CNNM2: variants seen among roughly 807,000 people sequenced by gnomAD.
The protein encoded by CNNM2 is cyclin and CBS domain divalent metal cation transport mediator 2.
CNNM2 carries 12 observed loss-of-function variants against 66.9 expected under a neutral mutation model. The observed-to-expected ratio is 0.18, with a 90% CI of 0.11 to 0.29. The LOEUF (loss-of-function observed/expected upper bound fraction) is 0.29. CNNM2 is among the 10% of genes least tolerant of loss of function. The pLI is 1.00. For synonymous variants in CNNM2, 557 were observed against 501.8 expected, an observed-to-expected ratio of 1.11 and a Z score of -1.47; for missense variants, 705 against 1,167.7, an observed-to-expected ratio of 0.60 and a Z score of 5.77.
At chr10:102,960,762 G>A (rs1308263356) in intron 1 of CNNM2, among the ~76,000 whole-genome samples, 3 of 149,456 alleles carry the variant, frequency 2.0e-5, no homozygotes, top group Admixed American at 6.7e-5. Context: ...TGAGACTGTA[G>A]GTATGTGCCA....
intron 1 of CNNM2, among the ~76,000 whole-genome samples, chr10:102,961,133 C>T (rs565876377): frequency 6.6e-6 from 1 of 152,266 alleles, no homozygotes; most frequent in South Asian, 2.1e-4. Flanking sequence ...CCGCCTCAGC[C>T]TCCCAAAGTG....
chr10:102,993,712 G>A (rs1230470917), intron 1 of CNNM2, among the ~76,000 whole-genome samples: 1 of 152,098 alleles, frequency 6.6e-6, no homozygotes, highest in Non-Finnish European at 1.5e-5. Flanking sequence ...AAGGTTTCAG[G>A]ACGACCAAGG....
At chr10:102,982,548 C>G (rs2063734065) in intron 1 of CNNM2, among the ~76,000 whole-genome samples, 1 of 152,224 alleles carries the variant, frequency 6.6e-6, no homozygotes, top group African/African-American at 2.4e-5. Flanking sequence ...GCTGGCCCAG[C>G]TTTGGGCTGT....
intron 1 of CNNM2, among the ~76,000 whole-genome samples, chr10:103,017,947 G>A (rs540042302): frequency 2.9e-4 from 31 of 108,628 alleles, no homozygotes; most frequent in African/African-American, 9.6e-4. Flanking sequence ...CTGGGGGACA[G>A]AGCAAGAATC....
chr10:103,066,471 G>A (rs2065478449), intron 4 of CNNM2, among the ~76,000 whole-genome samples: 1 of 152,136 alleles, frequency 6.6e-6, no homozygotes, highest in African/African-American at 2.4e-5. Context: ...CCTCGTGGAA[G>A]CAGACTCTGT....
intron 1 of CNNM2, among the ~76,000 whole-genome samples, chr10:102,945,550 A>G (rs1846587884): frequency 6.6e-6 from 1 of 150,934 alleles, no homozygotes; most frequent in Non-Finnish European, 1.5e-5. Flanking sequence ...CCCCCACTCC[A>G]TCCCCCTGCG....
At chr10:103,000,037 A>G (rs1590372928) in intron 1 of CNNM2, among the ~76,000 whole-genome samples, 1 of 152,126 alleles carries the variant, frequency 6.6e-6, no homozygotes, top group South Asian at 2.1e-4. Context: ...GGAGTTCCAG[A>G]CCAGCCTGGC....
At chr10:103,010,288 A>C (rs2064317097) in intron 1 of CNNM2, among the ~76,000 whole-genome samples, 1 of 151,192 alleles carries the variant, frequency 6.6e-6, no homozygotes, top group Non-Finnish European at 1.5e-5. Flanking sequence ...CCCAGACTGG[A>C]GTGCAGTGGT....
At chr10:102,990,402 G>T (rs901546647) in intron 1 of CNNM2, among the ~76,000 whole-genome samples, 1 of 152,154 alleles carries the variant, frequency 6.6e-6, no homozygotes, top group South Asian at 2.1e-4. Flanking sequence ...GGGATTTTGC[G>T]TGGGAATAAA....
chr10:102,948,039 G>A (rs1478721936), intron 1 of CNNM2, among the ~76,000 whole-genome samples: 3 of 152,244 alleles, frequency 2.0e-5, no homozygotes, highest in East Asian at 3.9e-4. Flanking sequence ...GGGATAGAGC[G>A]AGACTCCCTC....
chr10:102,921,849 T>C (rs1845651174), intron 1 of CNNM2, among the ~76,000 whole-genome samples: 1 of 152,206 alleles, frequency 6.6e-6, no homozygotes, highest in African/African-American at 2.4e-5. Flanking sequence ...TGAAGTCTTT[T>C]CTTCACTTCT....
chr10:103,043,851 C>T (rs1401127797), intron 1 of CNNM2, among the ~76,000 whole-genome samples: 9 of 152,138 alleles, frequency 5.9e-5, no homozygotes, highest in African/African-American at 1.4e-4. Flanking sequence ...TTGTAAAACC[C>T]TGTACTCTGA....
At chr10:102,962,038 A>C (rs1163125559) in intron 1 of CNNM2, among the ~76,000 whole-genome samples, 3 of 152,182 alleles carry the variant, frequency 2.0e-5, no homozygotes, top group Non-Finnish European at 2.9e-5. Context: ...GAGAAGTGCA[A>C]ATTAAAACAG....
intron 1 of CNNM2, among the ~76,000 whole-genome samples, chr10:102,964,254 A>C (rs1244198219): frequency 6.7e-6 from 1 of 148,962 alleles, no homozygotes; most frequent in Non-Finnish European, 1.5e-5. Flanking sequence ...TTTGAGATGG[A>C]GTCTTGCTGA....
At chr10:102,951,516 C>T (rs1272465147) in intron 1 of CNNM2, among the ~76,000 whole-genome samples, 1 of 151,888 alleles carries the variant, frequency 6.6e-6, no homozygotes. Context: ...TCTTTTAAGC[C>T]TGAGTCATTC....
chr10:102,993,227 G>T (rs368149775), intron 1 of CNNM2, among the ~76,000 whole-genome samples: 1 of 152,106 alleles, frequency 6.6e-6, no homozygotes, highest in Non-Finnish European at 1.5e-5. Flanking sequence ...GTGATATAAG[G>T]TTTGCTTTAA....
intron 1 of CNNM2, among the ~76,000 whole-genome samples, chr10:103,047,879 T>A (rs1262038361): frequency 6.6e-6 from 1 of 152,212 alleles, no homozygotes; most frequent in Non-Finnish European, 1.5e-5. Flanking sequence ...GAGAAGCTGT[T>A]ACGCTCGTGG....
intron 1 of CNNM2, among the ~76,000 whole-genome samples, chr10:102,973,714 T>C (rs1337498675): frequency 2.6e-5 from 4 of 152,184 alleles, no homozygotes; most frequent in East Asian, 1.9e-4. Flanking sequence ...CATTTTAATA[T>C]TTCATTTTAG....
chr10:103,071,869 C>G (rs1590505175), intron 6 of CNNM2, 30 bp downstream of exon 6: 2 of 1,598,126 alleles, frequency 1.3e-6, no homozygotes, highest in East Asian at 2.2e-5. Context: ...TTCCGTAATT[C>G]TCCTGATTGC....
Sources: gnomAD v4.1 joint callset for allele counts (sites outside exome capture counted in the v4.1 genomes callset) on GRCh38, gnomAD v4.1.1 for gene constraint, MANE v1.5 for transcripts, NCBI Gene and HGNC (gene_info 2026-07-23, HGNC 2026-07-21) for gene names.